The following GPC6 variants were observed in gnomAD, a reference collection of about 807,000 sequenced individuals.
GPC6 encodes glypican-6.
In GPC6, 14 loss-of-function variants were observed where a neutral mutation model predicts 55.2. The ratio of observed to expected loss-of-function variants is 0.25; its 90% confidence interval spans 0.17 to 0.40. The LOEUF is 0.40. Among genes scored for constraint, GPC6 ranks in the 10% least tolerant of loss-of-function variants. GPC6 has a pLI of 1.00. For missense variants in GPC6, 641 were observed against 708.5 expected (o/e 0.90, Z 1.08); for synonymous variants, 278 against 259.6 (o/e 1.07, Z -0.68).
chr13:94,066,800 C>A (rs561519281), intron 4 of GPC6, among the ~76,000 whole-genome samples: 2 of 152,276 alleles, frequency 1.3e-5, no homozygotes, highest in African/African-American at 2.4e-5. Context: ...AACTACCAAC[C>A]ACTTTCCCTT....
intron 3 of GPC6, among the ~76,000 whole-genome samples, chr13:93,945,761 C>G (rs542369075): frequency 6.6e-5 from 10 of 152,284 alleles, no homozygotes; most frequent in Admixed American, 2.0e-4. Flanking sequence ...CCCACACTTT[C>G]ACTGATTGTT....
chr13:93,745,444 CTTG>C (rs987305485), intron 2 of GPC6, among the ~76,000 whole-genome samples: 2 of 152,108 alleles, frequency 1.3e-5, no homozygotes, highest in African/African-American at 4.8e-5. Context: ...CTCTCATCAC[CTTG>C]TTAAGTCACT....
chr13:93,365,459 G>A (rs1478748731), intron 1 of GPC6, among the ~76,000 whole-genome samples: 1 of 152,020 alleles, frequency 6.6e-6, no homozygotes, highest in East Asian at 1.9e-4. Context: ...ACTTTGCCTT[G>A]TAGGGGTTTT....
chr13:93,484,324 A>C (rs751895875), intron 1 of GPC6, among the ~76,000 whole-genome samples: 15 of 152,136 alleles, frequency 9.9e-5, no homozygotes, highest in Non-Finnish European at 1.9e-4. Flanking sequence ...ATTGTTGTGA[A>C]ACAGATACCC....
At chr13:93,918,168 G>A (rs1877387854) in intron 3 of GPC6, among the ~76,000 whole-genome samples, 1 of 152,014 alleles carries the variant, frequency 6.6e-6, no homozygotes, top group Admixed American at 6.5e-5. Context: ...ATAGCTGATA[G>A]GCCATCATAA....
At chr13:94,159,200 C>T (rs891113358) in intron 4 of GPC6, among the ~76,000 whole-genome samples, 1 of 152,144 alleles carries the variant, frequency 6.6e-6, no homozygotes, top group Non-Finnish European at 1.5e-5. Context: ...GCATATCACT[C>T]ATTCTTTCTG....
chr13:93,880,570 T>G (rs1490292142), intron 3 of GPC6, among the ~76,000 whole-genome samples: 3 of 151,756 alleles, frequency 2.0e-5, no homozygotes, highest in Admixed American at 6.6e-5. Context: ...GTTGTGGGGT[T>G]GGGGGAGGAG....
intron 3 of GPC6, among the ~76,000 whole-genome samples, chr13:93,885,956 C>T (rs191854980): frequency 6.6e-5 from 10 of 152,012 alleles, no homozygotes; most frequent in Non-Finnish European, 1.2e-4. Context: ...TGCTTTTAGT[C>T]GTGAGAAAAT....
chr13:93,623,341 A>G (rs1371592491), intron 2 of GPC6, among the ~76,000 whole-genome samples: 1 of 152,154 alleles, frequency 6.6e-6, no homozygotes, highest in Non-Finnish European at 1.5e-5. Context: ...AATTTTTTGA[A>G]GAACTTCCGT....
At chr13:93,468,775 C>T (rs1329746791) in intron 1 of GPC6, among the ~76,000 whole-genome samples, 1 of 152,144 alleles carries the variant, frequency 6.6e-6, no homozygotes, top group Non-Finnish European at 1.5e-5. Context: ...TGCAATTGCA[C>T]TATGCAAGGA....
chr13:93,504,117 G>A (rs916575073), intron 1 of GPC6, among the ~76,000 whole-genome samples: 4 of 152,104 alleles, frequency 2.6e-5, no homozygotes, highest in African/African-American at 7.2e-5. Context: ...GGCGGGTTTT[G>A]AGTAGGAGAG....
chr13:93,959,471 T>C (rs1879668118), intron 3 of GPC6, among the ~76,000 whole-genome samples: 1 of 152,186 alleles, frequency 6.6e-6, no homozygotes. Flanking sequence ...CCTATTTGTA[T>C]GATTTTTATT....
At chr13:93,587,993 C>T (rs1410058166) in intron 2 of GPC6, among the ~76,000 whole-genome samples, 2 of 152,158 alleles carry the variant, frequency 1.3e-5, no homozygotes, top group African/African-American at 2.4e-5. Context: ...TTCTTTTAGC[C>T]TCCCTCCCAT....
At chr13:93,545,164 A>C in intron 1 of GPC6, 99 bp from the exon 2 acceptor site, 1 of 999,690 alleles carries the variant, frequency 1.0e-6, no homozygotes, top group East Asian at 2.4e-5. Context: ...AGATGGAACA[A>C]GCACCCTGAG....
At chr13:93,779,286 TA>T (rs1343505981) in intron 2 of GPC6, among the ~76,000 whole-genome samples, 1 of 152,184 alleles carries the variant, frequency 6.6e-6, no homozygotes, top group Non-Finnish European at 1.5e-5. Flanking sequence ...TAATCAATGT[TA>T]ATTACTATTT....
At chr13:93,867,048 G>C (rs74111008) in intron 3 of GPC6, among the ~76,000 whole-genome samples, 5,249 of 151,750 alleles carry the variant, frequency 0.035, 269 homozygotes, top group East Asian at 0.17. Context: ...TCCAGGGTTA[G>C]TGGTTGGGGT....
intron 4 of GPC6, among the ~76,000 whole-genome samples, chr13:94,062,301 G>C (rs1376882557): frequency 6.6e-6 from 1 of 151,678 alleles, no homozygotes; most frequent in African/African-American, 2.4e-5. Flanking sequence ...ACCCAGGCTG[G>C]AGTGCAGTGG....
intron 4 of GPC6, among the ~76,000 whole-genome samples, chr13:94,031,110 A>ATG (rs148462602): frequency 0.16 from 23,013 of 147,916 alleles, 1,962 homozygotes; most frequent in East Asian, 0.38. Context: ...GTGTGCGTGC[A>ATG]TGTGTGTGTG....
intron 4 of GPC6, among the ~76,000 whole-genome samples, chr13:94,131,770 T>C (rs1231955843): frequency 1.3e-5 from 2 of 152,142 alleles, no homozygotes; most frequent in African/African-American, 4.8e-5. Flanking sequence ...TCTTCATCTC[T>C]CAAAGACGTA....
Sources: gnomAD v4.1 joint callset for allele counts (sites outside exome capture counted in the v4.1 genomes callset) on GRCh38, gnomAD v4.1.1 for gene constraint, MANE v1.5 for transcripts, NCBI Gene and HGNC (gene_info 2026-07-23, HGNC 2026-07-21) for gene names.